The following ADGRF5 variants were observed in gnomAD, a reference collection of about 807,000 sequenced individuals.
ADGRF5 encodes the protein adhesion G protein-coupled receptor F5.
A neutral mutation model predicts 132.3 loss-of-function variants in ADGRF5; 75 were observed. The observed-to-expected ratio is 0.57, with a 90% CI of 0.47 to 0.69. The LOEUF (loss-of-function observed/expected upper bound fraction) is 0.69. Among genes scored for constraint, ADGRF5 ranks in the 30% least tolerant of loss-of-function variants. ADGRF5 has a pLI of 0.00. For missense variants in ADGRF5, 1,516 were observed against 1,630.6 expected, an observed-to-expected ratio of 0.93 and a Z score of 1.21; for synonymous variants, 629 against 597.6, an observed-to-expected ratio of 1.05 and a Z score of -0.77.
At chr6:46,855,161 C>A (rs1436474319) in intron 20 of ADGRF5, among the ~76,000 whole-genome samples, 1 of 152,164 alleles carries the variant, frequency 6.6e-6, no homozygotes, top group Non-Finnish European at 1.5e-5. Context: ...TTTCATATCT[C>A]CAATGTAGAA....
intron 1 of ADGRF5, among the ~76,000 whole-genome samples, chr6:46,940,468 A>G (rs1346031731): frequency 1.3e-5 from 2 of 152,152 alleles, no homozygotes; most frequent in Admixed American, 1.3e-4. Flanking sequence ...CTCCTGCCTT[A>G]TCTACAATGG....
Position 46,948,096 on chromosome 6 carries a change from C to A in ADGRF5, c.-25+6638G>T, listed in dbSNP as rs545779314. Among the ~76,000 whole-genome samples the A allele has an allele frequency of 5.6e-4, 86 of 152,284 alleles. 1 individual carries two copies. The South Asian group carries it at 0.013, about 23-fold the overall frequency. ...GCAACTTTGAGTAATAATGCAGTGACCTTCCCCAGGAGTAGAAGGAACTTG... is the reference window on the plus strand; with the variant it reads ...GCAACTTTGAGTAATAATGCAGTGAACTTCCCCAGGAGTAGAAGGAACTTG... On this transcript the variant is annotated intron_variant, in intron 1 of 20. Coordinates refer to the ADGRF5 transcript ENST00000265417.
intron 2 of ADGRF5, among the ~76,000 whole-genome samples, chr6:46,903,219 A>G (rs1444131999): frequency 6.7e-6 from 1 of 150,140 alleles, no homozygotes; most frequent in Non-Finnish European, 1.5e-5. Context: ...ACAAGGGAGC[A>G]CAGGTTTGCC....
At chr6:46,873,046 T>C (rs1390649448) in intron 10 of ADGRF5, among the ~76,000 whole-genome samples, 1 of 152,132 alleles carries the variant, frequency 6.6e-6, no homozygotes, top group Non-Finnish European at 1.5e-5. Flanking sequence ...CATGAGTGTC[T>C]GTGCCCATCT....
intron 1 of ADGRF5, among the ~76,000 whole-genome samples, chr6:46,945,289 A>G (rs906270068): frequency 6.6e-6 from 1 of 152,266 alleles, no homozygotes; most frequent in Admixed American, 6.5e-5. Context: ...GAAGTTTGTT[A>G]GTAACCTATA....
At chr6:46,868,747 T>C (rs1473571943) in intron 12 of ADGRF5, 136 bp downstream of exon 12, 3 of 617,834 alleles carry the variant, frequency 4.9e-6, no homozygotes, top group Non-Finnish European at 8.6e-6. Flanking sequence ...GAATGTTGCG[T>C]TAAGTGTGAA....
At position 46,883,487 on chromosome 6, in the gene ADGRF5, A is replaced by G. The variant is rs72856873; in HGVS notation, c.612+72T>C. 330 of 742,560 alleles carry G rather than the reference A, an allele frequency of 4.4e-4. 1 individual carries two copies. The highest frequency in any genetic ancestry group is 1.4e-3 in the Admixed American group (53 of 38,710). The allele number at this position is 742,560 out of a possible 1,614,324, so 46.0% of individuals were successfully genotyped here. A position where few individuals can be genotyped will look rare whatever the true frequency, so the allele number is the denominator to read the frequency against. The stretch of plus-strand genomic sequence containing the variant: ...ATTCTGACAGATCCAAGCCATGTTC[A>G]TTGTGAATGCAATAGACTCAGTTCA... On this transcript the variant is annotated intron_variant, in intron 6 of 20. Coordinates refer to ENST00000283296, the MANE Select transcript of ADGRF5 (RefSeq NM_001098518.2).
chr6:46,932,716 CTG>C (rs1777614312), intron 1 of ADGRF5, among the ~76,000 whole-genome samples: 1 of 152,222 alleles, frequency 6.6e-6, no homozygotes, highest in Admixed American at 6.5e-5. Context: ...GATGAATCAT[CTG>C]TGTGGTGAAA....
intron 2 of ADGRF5, among the ~76,000 whole-genome samples, chr6:46,901,508 T>C (rs1774759818): frequency 6.6e-6 from 1 of 152,170 alleles, no homozygotes; most frequent in South Asian, 2.1e-4. Flanking sequence ...ATGACAAACA[T>C]AATACTTCCT....
In ADGRF5 at chr6:46,897,151, C is replaced by T. The variant is rs922626759; in HGVS notation, c.157+2878G>A. Among the ~76,000 whole-genome samples the T allele has an allele frequency of 3.4e-4, 51 of 148,438 alleles. No homozygotes were observed. The South Asian group carries it at 3.6e-3, about 11-fold the overall frequency. ...ACATATGCATGCATATATATACACA[C>T]ACACACACACACACACACACACACA... On this transcript the variant is annotated intron_variant, in intron 3 of 20. Coordinates refer to ENST00000283296, the MANE Select transcript of ADGRF5 (RefSeq NM_001098518.2).
At chr6:46,897,887 T>A (rs184804814) in intron 3 of ADGRF5, among the ~76,000 whole-genome samples, 1 of 152,324 alleles carries the variant, frequency 6.6e-6, no homozygotes, top group African/African-American at 2.4e-5. Context: ...TGGGGCCTAG[T>A]ACCTAGGTTT....
chr6:46,933,736 C>A (rs940573988), intron 1 of ADGRF5, among the ~76,000 whole-genome samples: 2 of 152,176 alleles, frequency 1.3e-5, no homozygotes, highest in South Asian at 4.1e-4. Context: ...GCTCCCATGG[C>A]CTATCTCAGC....
intron 2 of ADGRF5, among the ~76,000 whole-genome samples, chr6:46,902,567 G>A (rs562570039): frequency 6.6e-6 from 1 of 152,332 alleles, no homozygotes; most frequent in Non-Finnish European, 1.5e-5. Context: ...GGGGTGAGGT[G>A]CAGAAAACTG....
At chr6:46,905,885 G>A (rs559881682) in intron 2 of ADGRF5, among the ~76,000 whole-genome samples, 32 of 152,220 alleles carry the variant, frequency 2.1e-4, no homozygotes, top group African/African-American at 5.5e-4. Flanking sequence ...TTATAGATAT[G>A]AACTAATTTA....
At chr6:46,907,839 T>TA (rs2150900032) in intron 1 of ADGRF5, 1 of 152,312 alleles carries the variant, frequency 6.6e-6, no homozygotes, top group South Asian at 2.1e-4. Context: ...AAAACGGGGA[T>TA]AATTGTACCT....
chr6:46,932,892 T>C (rs1179150263), intron 1 of ADGRF5, among the ~76,000 whole-genome samples: 3 of 152,208 alleles, frequency 2.0e-5, no homozygotes, highest in African/African-American at 7.2e-5. Flanking sequence ...TAATATGTCA[T>C]GCACAATGAC....
intron 4 of ADGRF5, among the ~76,000 whole-genome samples, chr6:46,885,714 C>G (rs1773005023): frequency 6.6e-6 from 1 of 152,184 alleles, no homozygotes; most frequent in African/African-American, 2.4e-5. Context: ...TGCTTCCTTT[C>G]TACATGTTAA....
chr6:46,875,210 G>A (rs1327336784), intron 10 of ADGRF5, among the ~76,000 whole-genome samples: 1 of 152,154 alleles, frequency 6.6e-6, no homozygotes, highest in Admixed American at 6.5e-5. Context: ...GGTAAACTCA[G>A]AAAACACAAG....
intron 1 of ADGRF5, among the ~76,000 whole-genome samples, chr6:46,920,731 C>T (rs554078939): frequency 5.3e-5 from 8 of 151,934 alleles, no homozygotes; most frequent in East Asian, 3.9e-4. Context: ...GGTGTGGTGG[C>T]GGGTGCCTGT....
Sources: gnomAD v4.1 joint callset for allele counts (sites outside exome capture counted in the v4.1 genomes callset) on GRCh38, gnomAD v4.1.1 for gene constraint, MANE v1.5 for transcripts, NCBI Gene and HGNC (gene_info 2026-07-23, HGNC 2026-07-21) for gene names.